The following CATSPERE variants were observed in gnomAD, a reference collection of about 807,000 sequenced individuals.
The protein encoded by CATSPERE is cation channel sperm-associated auxiliary subunit epsilon.
CATSPERE carries 93 observed loss-of-function variants against 114.1 expected under a neutral mutation model. That is an observed-to-expected ratio of 0.81 (90% confidence interval 0.69 to 0.97). The LOEUF is 0.97. Ranked by LOEUF, CATSPERE falls within the 50% of genes least tolerant of loss-of-function variation. CATSPERE has a pLI of 0.00. For synonymous variants in CATSPERE, 341 were observed against 384.1 expected, an observed-to-expected ratio of 0.89 and a Z score of 1.31; for missense variants, 1,058 against 1,131.6, an observed-to-expected ratio of 0.93 and a Z score of 0.93.
intron 8 of CATSPERE, among the ~76,000 whole-genome samples, chr1:244,519,946 A>G (rs1165337434): frequency 6.6e-6 from 1 of 152,088 alleles, no homozygotes; most frequent in Non-Finnish European, 1.5e-5. Flanking sequence ...GATAACCCTC[A>G]CTCACGGATT....
rs1664771374 is a variant in CATSPERE at position 244,573,438 on chromosome 1, A to AAAACAAAACT, written c.1950+674_1950+675insCTAAACAAAA. The stretch of plus-strand genomic sequence containing the variant: ...AAAACAAAACAAAACAAAACAAAAC[A>AAAACAAAACT]AAACAAAAAAACCAATTCTATCCGT... On this transcript the variant is annotated intron_variant, in intron 11 of 21. Transcript: ENST00000366534. The surrounding 1 kb of genome is among the most constrained non-coding windows in gnomAD (Gnocchi z 4.0). Among the ~76,000 whole-genome samples, 1 of 152,024 alleles carries AAAACAAAACT rather than the reference A, an allele frequency of 6.6e-6. No individual in the cohort carries two copies. The highest frequency in any genetic ancestry group is 1.5e-5 in the Non-Finnish European group (1 of 67,998).
intron 9 of CATSPERE, among the ~76,000 whole-genome samples, chr1:244,559,416 GACA>G (rs1265589935): frequency 3.3e-5 from 5 of 152,264 alleles, no homozygotes; most frequent in African/African-American, 4.8e-5. Context: ...GTAAAATGAG[GACA>G]ACAAGATGTT....
intron 2 of CATSPERE, among the ~76,000 whole-genome samples, chr1:244,470,346 T>C (rs886960366): frequency 6.6e-6 from 1 of 152,160 alleles, no homozygotes; most frequent in Admixed American, 6.5e-5. Context: ...GTAATAAAAA[T>C]ACAACCCAGT....
chr1:244,617,270 G>C (rs1278788307), intron 19 of CATSPERE, among the ~76,000 whole-genome samples: 2 of 152,022 alleles, frequency 1.3e-5, no homozygotes, highest in Non-Finnish European at 2.9e-5. Context: ...TGTTGATTTA[G>C]GAAAATAATA....
At chr1:244,587,314 AT>A (rs1339971005) in intron 13 of CATSPERE, among the ~76,000 whole-genome samples, 1 of 152,236 alleles carries the variant, frequency 6.6e-6, no homozygotes, top group Non-Finnish European at 1.5e-5. Context: ...GTAGAGGTAC[AT>A]TTGGGGATAG....
Position 244,552,487 on chromosome 1 carries a change from A to G in CATSPERE, c.702A>G (p.Pro234=). The G allele has an allele frequency of 6.2e-7, 1 of 1,614,098 alleles. No homozygotes were observed. Among genetic ancestry groups the G allele is most frequent in the Non-Finnish European group, 8.5e-7 (1 of 1,180,018 alleles). The part of the protein sequence containing the change: ...EIPGYLPISS[P]RGSQLMASWD... ...CTGGTTATTTACCAATCTCCTCACCACGTGGTAGTCAATTAATGGCTTCCT... is the reference window on the plus strand; with the variant it reads ...CTGGTTATTTACCAATCTCCTCACCGCGTGGTAGTCAATTAATGGCTTCCT... The change falls in exon 9 of 22, where the codon CCA becomes CCG. Residue 234 remains proline (P), a synonymous_variant. Coordinates refer to ENST00000366534, the MANE Select transcript of CATSPERE (RefSeq NM_001130957.2).
chr1:244,466,464 G>A (rs1369931987), intron 2 of CATSPERE, among the ~76,000 whole-genome samples: 1 of 152,088 alleles, frequency 6.6e-6, no homozygotes, highest in Non-Finnish European at 1.5e-5. Flanking sequence ...TCTAAGGCAG[G>A]CAGAATCCAG....
intron 19 of CATSPERE, chr1:244,610,563 A>G: frequency 1.7e-6 from 1 of 587,420 alleles, no homozygotes. Context: ...ATGTGTTTGC[A>G]GATTATTAAA....
At chr1:244,486,340 TGTA>T (rs1270956385) in intron 5 of CATSPERE, among the ~76,000 whole-genome samples, 1 of 76,788 alleles carries the variant, frequency 1.3e-5, no homozygotes, top group Non-Finnish European at 2.7e-5. Flanking sequence ...TACAGACCCT[TGTA>T]GTCACCTGGT....
intron 17 of CATSPERE, 125 bp downstream of exon 17, chr1:244,593,703 C>T (rs947299869): frequency 1.2e-5 from 9 of 779,168 alleles, no homozygotes; most frequent in Non-Finnish European, 1.9e-5. Flanking sequence ...ATATGCGAGA[C>T]TTGGTTTTCA....
intron 7 of CATSPERE, among the ~76,000 whole-genome samples, chr1:244,500,851 A>C (rs1484771276): frequency 6.6e-6 from 1 of 152,210 alleles, no homozygotes; most frequent in East Asian, 1.9e-4. Context: ...TCCATATGAA[A>C]TTTAAAGTAG....
intron 21 of CATSPERE, among the ~76,000 whole-genome samples, chr1:244,639,163 A>G (rs77755874): frequency 0.011 from 1,610 of 152,350 alleles, 26 homozygotes; most frequent in East Asian, 0.044. Context: ...CTGCAGTTCC[A>G]GAATGTCTAG....
intron 7 of CATSPERE, among the ~76,000 whole-genome samples, chr1:244,506,753 T>C (rs779113315): frequency 1.3e-5 from 2 of 151,948 alleles, no homozygotes; most frequent in South Asian, 2.1e-4. Context: ...ACATTTATCT[T>C]TTTTTTTGTG....
chr1:244,518,357 G>A lies in CATSPERE; in HGVS notation c.430-235G>A, dbSNP rs537296461. Among the ~76,000 whole-genome samples, 30 of 152,260 alleles carry A rather than the reference G, an allele frequency of 2.0e-4. No homozygotes were observed. The South Asian group carries it at 6.2e-3, about 32-fold the overall frequency. ...TTTCAGTGCATTCAGGATTCTGATT[G>A]TGTGTAGAGTTTTTGACGAGTTGGA... On this transcript the variant is annotated intron_variant, in intron 7 of 21. Coordinates refer to ENST00000366534, the MANE Select transcript of CATSPERE (RefSeq NM_001130957.2).
intron 9 of CATSPERE, among the ~76,000 whole-genome samples, chr1:244,554,595 A>G (rs558692755): frequency 1.3e-5 from 2 of 152,214 alleles, no homozygotes; most frequent in Non-Finnish European, 2.9e-5. Context: ...ATGATATCTC[A>G]TTGTGGTTTT....
chr1:244,561,557 G>A (rs1312499081), intron 10 of CATSPERE, among the ~76,000 whole-genome samples: 2 of 152,108 alleles, frequency 1.3e-5, no homozygotes, highest in Non-Finnish European at 2.9e-5. Flanking sequence ...ATATCAAGGT[G>A]TTGATAGGGC....
intron 5 of CATSPERE, among the ~76,000 whole-genome samples, chr1:244,487,867 CA>C (rs1165402841): frequency 6.6e-6 from 1 of 152,146 alleles, no homozygotes; most frequent in Non-Finnish European, 1.5e-5. Context: ...ACTTCGCTTA[CA>C]AAACATAATT....
chr1:244,608,228 C>T (rs1339560617), intron 18 of CATSPERE, among the ~76,000 whole-genome samples: 1 of 151,676 alleles, frequency 6.6e-6, no homozygotes, highest in Non-Finnish European at 1.5e-5. Context: ...AATATAGCAG[C>T]CCCCATTAAA....
Position 244,607,109 on chromosome 1 carries a change from C to G in CATSPERE, c.2403+1315C>G, listed in dbSNP as rs901298094. On this transcript the variant is annotated intron_variant, in intron 18 of 21. Transcript: ENST00000366534. The surrounding 1 kb of genome is among the most constrained non-coding windows in gnomAD (Gnocchi z 4.4). ...CCATTATGCCTCAAGGTTAAACGCT[C>G]TAGATCCTTCTTCAATAAAAGTTCC... 6.6e-6 allele frequency among the ~76,000 whole-genome samples: 1 copy of G among 152,030 alleles called. No homozygotes were observed. Among genetic ancestry groups the G allele is most frequent in the African/African-American group, 2.4e-5 (1 of 41,384 alleles).
Sources: allele counts gnomAD v4.1 joint callset (sites outside exome capture counted in the v4.1 genomes callset), GRCh38; gene constraint gnomAD v4.1.1; non-coding constraint Gnocchi (gnomAD v3.1); transcripts MANE v1.5; gene names NCBI Gene and HGNC (gene_info 2026-07-23, HGNC 2026-07-21).